The following ABCG5 variants were observed in gnomAD, a reference collection of about 807,000 sequenced individuals.
ABCG5 encodes the protein ATP binding cassette subfamily G member 5, also known as ATP-binding cassette sub-family G member 5.
A neutral mutation model predicts 64.5 loss-of-function variants in ABCG5; 64 were observed. The ratio of observed to expected loss-of-function variants is 0.99; its 90% CI spans 0.81 to 1.22. The LOEUF (loss-of-function observed/expected upper bound fraction) is 1.22. ABCG5 is among the 50% of genes most tolerant of loss of function. The pLI is 0.00. For synonymous variants in ABCG5, 385 were observed against 326.3 expected, an observed-to-expected ratio of 1.18 and a Z score of -1.94; for missense variants, 908 against 829.5, an observed-to-expected ratio of 1.09 and a Z score of -1.16.
At chr2:43,820,277 A>G (rs1341054738) in intron 10 of ABCG5, among the ~76,000 whole-genome samples, 177 bp from the exon 11 acceptor site, 1 of 152,234 alleles carries the variant, frequency 6.6e-6, no homozygotes, top group Non-Finnish European at 1.5e-5. Context: ...ACTATTTATT[A>G]TATCAAATTG....
In ABCG5 at chr2:43,819,963, A is replaced by G. The variant is rs1667081089; in HGVS notation, c.1601T>C (p.Val534Ala). The G allele has an allele frequency of 6.2e-7, 1 of 1,614,084 alleles. No individual in the cohort carries two copies. The highest frequency in any genetic ancestry group is 1.3e-5 in the African/African-American group (1 of 74,928). Residue 534 changes from valine to alanine, a missense_variant, in exon 11 of 13, where the codon GTG becomes GCG. By Grantham distance (64) the Val-to-Ala change is moderately conservative. Coordinates refer to ENST00000405322, the MANE Select transcript of ABCG5 (RefSeq NM_022436.3). ...CACCCCCGCAATGGACAGCAGAGCC[A>G]CTACACTGTTGACTATATTTGGATT... ...VQNPNIVNSV[V>A]ALLSIAGVLV...
In ABCG5 at chr2:43,812,959, G is replaced by A. The variant is rs1393454795; in HGVS notation, c.*157C>T. The A allele has an allele frequency of 4.6e-6, 3 of 653,134 alleles. No homozygotes were observed. The highest frequency in any genetic ancestry group is 2.7e-5 in the East Asian group (1 of 36,522). The allele number at this position is 653,134 out of a possible 1,614,324, so 40.5% of individuals were successfully genotyped here. A position where few individuals can be genotyped will look rare whatever the true frequency, so the allele number is the denominator to read the frequency against. Reference sequence around the variant, plus strand: ...ATAAACCACTTCCATTGCATTCAAGGCCTGCTTGGATCCAAGAGGCACAAA... The same window carrying A: ...ATAAACCACTTCCATTGCATTCAAGACCTGCTTGGATCCAAGAGGCACAAA... On this transcript the variant is annotated 3_prime_UTR_variant, in exon 13 of 13. Coordinates refer to ENST00000405322, the MANE Select transcript of ABCG5 (RefSeq NM_022436.3).
chr2:43,824,191 G>A (rs780359213), intron 8 of ABCG5, 28 bp downstream of exon 8: 59 of 1,613,732 alleles, frequency 3.7e-5, no homozygotes, highest in Non-Finnish European at 4.9e-5. Context: ...CCTCTAACAG[G>A]CATTTCTCAC....
intron 4 of ABCG5, among the ~76,000 whole-genome samples, chr2:43,831,228 A>G (rs1204287365): frequency 6.6e-6 from 1 of 152,136 alleles, no homozygotes; most frequent in Non-Finnish European, 1.5e-5. Context: ...GCTGGAGTGC[A>G]ATGGTGCAAT....
Position 43,838,108 on chromosome 2 carries a change from C to A in ABCG5, c.144-153G>T. 1 of 1,033,512 alleles carries A rather than the reference C, an allele frequency of 9.7e-7. No individual in the cohort carries two copies. Among genetic ancestry groups the A allele is most frequent in the Non-Finnish European group, 1.4e-6 (1 of 699,192 alleles). The allele number at this position is 1,033,512 out of a possible 1,614,324, so 64.0% of individuals were successfully genotyped here. A position where few individuals can be genotyped will look rare whatever the true frequency, so the allele number is the denominator to read the frequency against. ...AGTCTCTGCGCCCTCCTCTGTAGAA[C>A]CTGGCAGATAGCGACTGAGGCTGTC... On this transcript the variant is annotated intron_variant, in intron 1 of 12. Transcript: ENST00000405322. The surrounding 1 kb of genome is among the most constrained non-coding windows in gnomAD (Gnocchi z 4.2).
intron 2 of ABCG5, among the ~76,000 whole-genome samples, chr2:43,834,404 C>A (rs964370647): frequency 2.0e-5 from 3 of 152,158 alleles, no homozygotes; most frequent in Admixed American, 6.5e-5. Flanking sequence ...GGGAGGGATC[C>A]CAAGACAGGA....
chr2:43,824,839 G>T, intron 7 of ABCG5, 50 bp downstream of exon 7: 1 of 1,608,340 alleles, frequency 6.2e-7, no homozygotes, highest in South Asian at 1.1e-5. Context: ...AGTCTGAGAT[G>T]AGAAAGTTTA....
At chr2:43,811,287 T>G (rs1210899623), downstream of ABCG5, among the ~76,000 whole-genome samples, 2 of 152,236 alleles carry the variant, frequency 1.3e-5, no homozygotes, top group East Asian at 3.8e-4. Flanking sequence ...CAAAGACCTT[T>G]TATAAAAATT....
At chr2:43,807,619 T>C (rs1572725287), downstream of ABCG5, among the ~76,000 whole-genome samples, 2 of 151,766 alleles carry the variant, frequency 1.3e-5, no homozygotes, top group East Asian at 3.9e-4. Context: ...TTTTTGTTTT[T>C]TGTTGCCCAG....
At chr2:43,814,193 C>T (rs1416581291) in intron 12 of ABCG5, among the ~76,000 whole-genome samples, 1 of 152,174 alleles carries the variant, frequency 6.6e-6, no homozygotes, top group Non-Finnish European at 1.5e-5. Flanking sequence ...GGAACTGAGT[C>T]TATCCAGAAT....
chr2:43,829,305 C>T (rs4148184), intron 4 of ABCG5, among the ~76,000 whole-genome samples: 68,605 of 152,042 alleles, frequency 0.45, 16,384 homozygotes, highest in East Asian at 0.82. Flanking sequence ...CAGTGTGAGT[C>T]CACATCAAAG....
chr2:43,822,486 CCATGCA>C, intron 10 of ABCG5: 1 of 932,962 alleles, frequency 1.1e-6, no homozygotes, highest in South Asian at 5.0e-5. Context: ...AGGCCCCCCC[CCATGCA>C]CCTGGGTCCT....
chr2:43,822,670 A>T, intron 10 of ABCG5, 127 bp downstream of exon 10: 7 of 1,559,056 alleles, frequency 4.5e-6, no homozygotes. Context: ...ATTGCACTAG[A>T]CACTGATGGG....
At chr2:43,831,712 C>T in intron 4 of ABCG5, 57 bp downstream of exon 4, 7 of 1,477,928 alleles carry the variant, frequency 4.7e-6, no homozygotes, top group African/African-American at 1.4e-5. Flanking sequence ...GAGAGGAGGG[C>T]AGCGGGGGGT....
At chr2:43,816,717 T>C (rs931607631) in intron 11 of ABCG5, among the ~76,000 whole-genome samples, 7 of 152,196 alleles carry the variant, frequency 4.6e-5, no homozygotes, top group African/African-American at 1.7e-4. Context: ...CTAATTCATA[T>C]TATGTTGTTA....
At position 43,832,005 on chromosome 2, in the gene ABCG5, A is replaced by AC; in HGVS notation, c.343dup (p.Val115GlyfsTer83). 6.4e-7 allele frequency: 1 copy of AC among 1,563,532 alleles called. No individual in the cohort carries two copies. The highest frequency in any genetic ancestry group is 1.2e-5 in the South Asian group (1 of 84,818). On this transcript the variant is annotated frameshift_variant, in exon 3 of 13. Transcript: ENST00000405322. LOFTEE classifies it high-confidence loss of function. The stretch of plus-strand genomic sequence containing the variant: ...CTCCCGGCGCAGCGCCCGGCCGTTC[A>AC]CATACACCTCCCCCAGGAAGGTCCC...
chr2:43,810,627 C>A, downstream of ABCG5: 1 of 571,014 alleles, frequency 1.8e-6, no homozygotes, highest in Non-Finnish European at 2.2e-6. Context: ...ATTTACTACC[C>A]CAAGGGAGTA....
chr2:43,824,110 G>A lies in ABCG5; in HGVS notation c.1127C>T (p.Thr376Ile). The change falls in exon 9 of 13, where the codon ACA (threonine) becomes ATA (isoleucine). Residue 376 changes from threonine (T) to isoleucine (I), a missense_variant. Transcript: ENST00000405322. ...SKLGVLLRRVTRNLVRNKLAV... is the reference protein window; with the variant it reads ...SKLGVLLRRVIRNLVRNKLAV... Reference sequence around the variant, plus strand: ...CAGCTTATTTCTCACCAAGTTTCTTGTCACTCTCCTGAAAACAAACAACCC... The same window carrying A: ...CAGCTTATTTCTCACCAAGTTTCTTATCACTCTCCTGAAAACAAACAACCC... The A allele has an allele frequency of 6.2e-7, 1 of 1,614,120 alleles. No individual in the cohort carries two copies. Among genetic ancestry groups the A allele is most frequent in the Non-Finnish European group, 8.5e-7 (1 of 1,180,020 alleles).
Position 43,813,278 on chromosome 2 carries a change from T to C in ABCG5, c.1794A>G (p.Pro598=), listed in dbSNP as rs1666578032. The C allele has an allele frequency of 6.2e-7, 1 of 1,613,830 alleles. No individual in the cohort carries two copies. The highest frequency in any genetic ancestry group is 8.5e-7 in the Non-Finnish European group (1 of 1,179,868). Residue 598 remains proline, a synonymous_variant, in exon 13 of 13, where the codon CCA becomes CCG. Transcript: ENST00000405322. The stretch of plus-strand genomic sequence containing the variant: ...GAATTCCTTGAGTGAAGGCACACAT[T>C]GGATTAGTTGTCACAGAAACATTTG... ...GSSNVSVTTN[P]MCAFTQGIQF...
Sources: allele counts gnomAD v4.1 joint callset (sites outside exome capture counted in the v4.1 genomes callset), GRCh38; gene constraint gnomAD v4.1.1; non-coding constraint Gnocchi (gnomAD v3.1); transcripts MANE v1.5; gene names NCBI Gene and HGNC (gene_info 2026-07-23, HGNC 2026-07-21).